The following RGS7 variants were observed in gnomAD, a reference collection of about 807,000 sequenced individuals.
RGS7 encodes regulator of G protein signaling 7.
Under a neutral mutation model 81.1 loss-of-function variants are expected in RGS7, and 27 were observed. That is an observed-to-expected ratio of 0.33 (90% CI 0.25 to 0.46). The LOEUF is 0.46. RGS7 is among the 20% of genes least tolerant of loss of function. The probability of loss-of-function intolerance (pLI) is 1.00; values close to 1 mark genes in which losing one functional copy is unlikely to be tolerated. For missense variants in RGS7, 396 were observed against 607.4 expected (o/e 0.65, Z 3.66); for synonymous variants, 208 against 207.7 (o/e 1.00, Z -0.01).
At chr1:241,195,394 C>T (rs1035936909) in intron 2 of RGS7, among the ~76,000 whole-genome samples, 1 of 152,042 alleles carries the variant, frequency 6.6e-6, no homozygotes, top group Non-Finnish European at 1.5e-5. Flanking sequence ...AAGAATCACT[C>T]GAACCCGGGA....
At chr1:240,895,441 C>T (rs1014873581) in intron 6 of RGS7, among the ~76,000 whole-genome samples, 1 of 152,028 alleles carries the variant, frequency 6.6e-6, no homozygotes, top group Non-Finnish European at 1.5e-5. Flanking sequence ...CTCCCCCCTC[C>T]TCCACCCCAT....
At chr1:241,293,150 A>T (rs1297424264) in intron 2 of RGS7, among the ~76,000 whole-genome samples, 2 of 152,184 alleles carry the variant, frequency 1.3e-5, no homozygotes, top group Admixed American at 1.3e-4. Flanking sequence ...GGAGCTGAAA[A>T]TTTCCTATCG....
intron 2 of RGS7, among the ~76,000 whole-genome samples, chr1:241,347,009 G>T (rs2082935687): frequency 6.6e-6 from 1 of 151,950 alleles, no homozygotes; most frequent in African/African-American, 2.4e-5. Context: ...AAATCCCTTG[G>T]CATACACCAT....
chr1:240,902,703 T>A (rs1353838588), intron 6 of RGS7, among the ~76,000 whole-genome samples: 1 of 152,172 alleles, frequency 6.6e-6, no homozygotes, highest in Non-Finnish European at 1.5e-5. Flanking sequence ...TTGTTTACAA[T>A]AGAGAGAAAC....
At chr1:241,156,900 C>G (rs1488716379) in intron 2 of RGS7, among the ~76,000 whole-genome samples, 2 of 152,194 alleles carry the variant, frequency 1.3e-5, no homozygotes, top group Admixed American at 1.3e-4. Context: ...CTCCTCACTA[C>G]TGTCTCCTCT....
At chr1:241,008,031 A>T (rs951203165) in intron 3 of RGS7, among the ~76,000 whole-genome samples, 1 of 152,164 alleles carries the variant, frequency 6.6e-6, no homozygotes, top group African/African-American at 2.4e-5. Flanking sequence ...AAGTTAGGCA[A>T]ATTCTGCCTT....
At chr1:241,258,380 GGAT>G (rs768566308) in intron 2 of RGS7, among the ~76,000 whole-genome samples, 2 of 152,062 alleles carry the variant, frequency 1.3e-5, no homozygotes, top group Non-Finnish European at 2.9e-5. Context: ...AGTAATAGAG[GGAT>G]TTTTATTGGC....
At chr1:241,121,100 C>T (rs932009590) in intron 2 of RGS7, among the ~76,000 whole-genome samples, 1 of 152,176 alleles carries the variant, frequency 6.6e-6, no homozygotes, top group African/African-American at 2.4e-5. Flanking sequence ...CTTGCCTGGG[C>T]TCCTGACTCT....
intron 2 of RGS7, among the ~76,000 whole-genome samples, chr1:241,260,272 A>C (rs75234286): frequency 0.028 from 4,193 of 152,304 alleles, 197 homozygotes; most frequent in African/African-American, 0.094. Context: ...TCACTTGAAG[A>C]TAGAGACTGA....
rs6665888 is a variant in RGS7, at chr1:241,163,126, G to A, written c.79-64364C>T. ...TGGCCAGGAAGGCATAACCATTTGC[G>A]GCTTAACACAGCCAAAAGGTCAGAA... On this transcript the variant is annotated intron_variant, in intron 2 of 18. Transcript: ENST00000440928. This position sits in a 1 kb window ranked among gnomAD's most constrained non-coding sequence, Gnocchi z 4.6. Among the ~76,000 whole-genome samples the A allele has an allele frequency of 0.48, 72,940 of 151,972 alleles. 19,020 individuals carry two copies. Among genetic ancestry groups the A allele is most frequent in the East Asian group, 0.7 (3,618 of 5,154 alleles).
intron 3 of RGS7, among the ~76,000 whole-genome samples, chr1:241,042,548 A>C (rs895509162): frequency 6.6e-6 from 1 of 152,228 alleles, no homozygotes; most frequent in African/African-American, 2.4e-5. Flanking sequence ...GACATAAAAT[A>C]ATACATACAG....
At chr1:241,133,192 T>C (rs1465681293) in intron 2 of RGS7, among the ~76,000 whole-genome samples, 1 of 152,098 alleles carries the variant, frequency 6.6e-6, no homozygotes, top group Non-Finnish European at 1.5e-5. Context: ...TTATAAAGAA[T>C]AGAAAATGTA....
At chr1:241,247,925 A>T (rs541426974) in intron 2 of RGS7, among the ~76,000 whole-genome samples, 2 of 152,152 alleles carry the variant, frequency 1.3e-5, no homozygotes, top group South Asian at 4.1e-4. Context: ...GATGTAAATA[A>T]CTCTCTATAT....
chr1:240,939,244 AG>A (rs1486560445), intron 4 of RGS7, among the ~76,000 whole-genome samples: 1 of 149,202 alleles, frequency 6.7e-6, no homozygotes, highest in African/African-American at 2.6e-5. Flanking sequence ...TGCTAGGTTG[AG>A]TGAATATTTC....
chr1:240,872,243 A>G (rs533008642), intron 6 of RGS7, among the ~76,000 whole-genome samples: 72 of 152,362 alleles, frequency 4.7e-4, no homozygotes, highest in African/African-American at 1.7e-3. Context: ...TTTCGAGGTC[A>G]AATCAACTTA....
At chr1:241,186,499 C>T in intron 2 of RGS7, 1 of 667,320 alleles carries the variant, frequency 1.5e-6, no homozygotes. Flanking sequence ...CCTCAAATTA[C>T]ATTTCCTAAC....
At chr1:241,276,373 G>A (rs1284480773) in intron 2 of RGS7, among the ~76,000 whole-genome samples, 2 of 152,174 alleles carry the variant, frequency 1.3e-5, no homozygotes, top group East Asian at 1.9e-4. Context: ...TAAAGCCTGA[G>A]AGGTTAATAT....
intron 4 of RGS7, among the ~76,000 whole-genome samples, chr1:240,944,903 G>C (rs1431511008): frequency 6.6e-6 from 1 of 152,260 alleles, no homozygotes; most frequent in Non-Finnish European, 1.5e-5. Context: ...AGTAGAGACA[G>C]GGTTTCACCA....
intron 3 of RGS7, among the ~76,000 whole-genome samples, chr1:240,996,187 T>G (rs1456066995): frequency 6.6e-6 from 1 of 152,168 alleles, no homozygotes; most frequent in Non-Finnish European, 1.5e-5. Context: ...TAAAACTTAT[T>G]ATGATGTGTT....
Sources: allele counts gnomAD v4.1 joint callset (sites outside exome capture counted in the v4.1 genomes callset), GRCh38; gene constraint gnomAD v4.1.1; non-coding constraint Gnocchi (gnomAD v3.1); transcripts MANE v1.5; gene names NCBI Gene and HGNC (gene_info 2026-07-23, HGNC 2026-07-21).